The following CCDC148 variants were observed in gnomAD, a reference collection of about 807,000 sequenced individuals.
CCDC148 encodes the protein coiled-coil domain-containing protein 148.
CCDC148 carries 89 observed loss-of-function variants against 85.7 expected under a neutral mutation model. The observed-to-expected ratio is 1.04, with a 90% confidence interval of 0.87 to 1.24. The LOEUF (loss-of-function observed/expected upper bound fraction) is 1.24, where lower values mean the gene tolerates loss of function less well. Among genes scored for constraint, CCDC148 ranks in the 50% most tolerant of loss-of-function variants. The probability of loss-of-function intolerance (pLI) is 0.00; values close to 1 mark genes in which losing one functional copy is unlikely to be tolerated. For missense variants in CCDC148, 692 were observed against 671.7 expected, an observed-to-expected ratio of 1.03 and a Z score of -0.33; for synonymous variants, 230 against 213.9, an observed-to-expected ratio of 1.08 and a Z score of -0.66.
At chr2:158,194,031 T>G (rs566677342) in intron 11 of CCDC148, among the ~76,000 whole-genome samples, 1 of 151,694 alleles carries the variant, frequency 6.6e-6, no homozygotes, top group Non-Finnish European at 1.5e-5. Context: ...AAAAAAAATT[T>G]AAAAAAATTT....
intron 1 of CCDC148, among the ~76,000 whole-genome samples, chr2:158,412,762 A>G (rs1009549664): frequency 1.3e-4 from 19 of 151,346 alleles, no homozygotes; most frequent in African/African-American, 4.1e-4. Context: ...GAAATTCTGC[A>G]TAATACAAAT....
At chr2:158,268,288 T>A (rs1689558553) in intron 9 of CCDC148, among the ~76,000 whole-genome samples, 1 of 151,992 alleles carries the variant, frequency 6.6e-6, no homozygotes, top group Admixed American at 6.6e-5. Context: ...GGGAGAGGGG[T>A]TGATTTACGC....
At chr2:158,305,136 A>G (rs1691623995) in intron 9 of CCDC148, among the ~76,000 whole-genome samples, 1 of 152,054 alleles carries the variant, frequency 6.6e-6, no homozygotes. Flanking sequence ...TAGAATGAAC[A>G]CCCATCACTG....
At chr2:158,227,901 G>C (rs1222709768) in intron 10 of CCDC148, among the ~76,000 whole-genome samples, 1 of 151,990 alleles carries the variant, frequency 6.6e-6, no homozygotes, top group Non-Finnish European at 1.5e-5. Flanking sequence ...GCATGGGCAA[G>C]GACTTCATGT....
At chr2:158,312,051 C>T (rs1692045506) in intron 8 of CCDC148, among the ~76,000 whole-genome samples, 2 of 152,124 alleles carry the variant, frequency 1.3e-5, no homozygotes, top group African/African-American at 4.8e-5. Context: ...CCAGTATAGA[C>T]CATGACTCTG....
At chr2:158,374,068 C>T (rs1684556845) in intron 1 of CCDC148, among the ~76,000 whole-genome samples, 2 of 151,998 alleles carry the variant, frequency 1.3e-5, no homozygotes, top group South Asian at 4.1e-4. Flanking sequence ...CCTGCTTTTC[C>T]CCTACATTTA....
chr2:158,274,003 C>T (rs1413139311), intron 9 of CCDC148, among the ~76,000 whole-genome samples: 2 of 152,150 alleles, frequency 1.3e-5, no homozygotes, highest in East Asian at 3.9e-4. Context: ...TACTGGCCTC[C>T]AGGGCTATGT....
intron 10 of CCDC148, among the ~76,000 whole-genome samples, chr2:158,243,524 G>A (rs62176914): frequency 0.19 from 28,197 of 151,932 alleles, 2,839 homozygotes; most frequent in Non-Finnish European, 0.21. Context: ...AAATAATCTC[G>A]TCTCTCTCGG....
intron 7 of CCDC148, among the ~76,000 whole-genome samples, chr2:158,315,179 C>T (rs1403225623): frequency 1.3e-5 from 2 of 152,162 alleles, no homozygotes; most frequent in Non-Finnish European, 2.9e-5. Context: ...TCAGTCCTGT[C>T]TGAAGCAGTT....
Position 158,314,448 on chromosome 2 carries a change from T to C in CCDC148, c.765-554A>G, listed in dbSNP as rs377119830. Reference sequence around the variant, plus strand: ...TCATAGAGGCAATACTAAATATTGATAGTGAAAAGATAACCAACGGCATTA... The same window carrying C: ...TCATAGAGGCAATACTAAATATTGACAGTGAAAAGATAACCAACGGCATTA... On this transcript the variant is annotated intron_variant, in intron 7 of 13. Transcript: ENST00000283233. Among the ~76,000 whole-genome samples, 13 of 152,326 alleles carry C rather than the reference T, an allele frequency of 8.5e-5. 2 individuals are homozygous for C. The highest frequency in any genetic ancestry group is 6.5e-4 in the Admixed American group (10 of 15,306).
intron 13 of CCDC148, among the ~76,000 whole-genome samples, chr2:158,174,297 C>A (rs928272674): frequency 2.6e-5 from 4 of 152,008 alleles, no homozygotes; most frequent in Admixed American, 2.0e-4. Context: ...GATTTGAATC[C>A]AAAACACCAG....
chr2:158,444,464 A>C (rs188271916), intron 1 of CCDC148, among the ~76,000 whole-genome samples: 7 of 152,256 alleles, frequency 4.6e-5, no homozygotes, highest in Non-Finnish European at 7.4e-5. Flanking sequence ...CAACTAAAGA[A>C]AATTATTTCT....
At chr2:158,197,498 T>C (rs990852466) in intron 11 of CCDC148, among the ~76,000 whole-genome samples, 1 of 152,136 alleles carries the variant, frequency 6.6e-6, no homozygotes, top group Non-Finnish European at 1.5e-5. Flanking sequence ...GGTTAAGGGA[T>C]AAAGATATAA....
chr2:158,196,030 G>A (rs944680684), intron 11 of CCDC148, among the ~76,000 whole-genome samples: 2 of 152,050 alleles, frequency 1.3e-5, no homozygotes, highest in Admixed American at 1.3e-4. Flanking sequence ...CCATCAGCTG[G>A]GGTGCCTGTA....
At chr2:158,299,507 A>G (rs1691348423) in intron 9 of CCDC148, among the ~76,000 whole-genome samples, 1 of 152,170 alleles carries the variant, frequency 6.6e-6, no homozygotes. Context: ...TCCACCTCAT[A>G]TTGAAAGATG....
chr2:158,413,740 G>T (rs1268739546), intron 1 of CCDC148, among the ~76,000 whole-genome samples: 1 of 152,112 alleles, frequency 6.6e-6, no homozygotes, highest in Non-Finnish European at 1.5e-5. Flanking sequence ...TAGCATGAGA[G>T]TTGTATAGCC....
At chr2:158,182,825 G>A (rs1012253519) in intron 11 of CCDC148, among the ~76,000 whole-genome samples, 3 of 152,150 alleles carry the variant, frequency 2.0e-5, no homozygotes, top group African/African-American at 7.2e-5. Flanking sequence ...AAAGAGAAGT[G>A]ATGCAGAAAA....
chr2:158,323,861 A>G (rs962582136), intron 7 of CCDC148, among the ~76,000 whole-genome samples: 2 of 151,922 alleles, frequency 1.3e-5, no homozygotes, highest in Admixed American at 6.6e-5. Flanking sequence ...TTTTTGCTTT[A>G]AAAAATAGAA....
intron 11 of CCDC148, among the ~76,000 whole-genome samples, chr2:158,195,886 T>C (rs1285132824): frequency 1.3e-5 from 2 of 152,148 alleles, no homozygotes; most frequent in Non-Finnish European, 2.9e-5. Context: ...ATCTCACTTC[T>C]GAATTTTGGA....
Sources: gnomAD v4.1 joint callset for allele counts (sites outside exome capture counted in the v4.1 genomes callset) on GRCh38, gnomAD v4.1.1 for gene constraint, MANE v1.5 for transcripts, NCBI Gene and HGNC (gene_info 2026-07-23, HGNC 2026-07-21) for gene names.